The following AFAP1L2 variants were observed in gnomAD, a reference collection of about 807,000 sequenced individuals.
AFAP1L2 encodes actin filament associated protein 1 like 2.
AFAP1L2 carries 46 observed loss-of-function variants against 99.3 expected under a neutral mutation model. The ratio of observed to expected loss-of-function variants is 0.46; its 90% confidence interval spans 0.37 to 0.59. The LOEUF (loss-of-function observed/expected upper bound fraction) is 0.59, where lower values mean the gene tolerates loss of function less well. AFAP1L2 is among the 20% of genes least tolerant of loss of function. AFAP1L2 has a pLI of 0.00. For missense variants in AFAP1L2, 959 were observed against 1,034.9 expected (o/e 0.93, Z 1.01); for synonymous variants, 397 against 419.1 (o/e 0.95, Z 0.64).
chr10:114,403,036 C>T (rs537235663), intron 1 of AFAP1L2, among the ~76,000 whole-genome samples: 6 of 152,350 alleles, frequency 3.9e-5, no homozygotes, highest in East Asian at 1.9e-4. Flanking sequence ...GTGGCTTCCT[C>T]AAGTGTCTGA....
rs2043020975 is a variant in AFAP1L2, at chr10:114,310,250, T to G, written c.882+104A>C. 5 of 1,195,380 alleles carry G rather than the reference T, an allele frequency of 4.2e-6. No individual in the cohort carries two copies. In the South Asian group the frequency reaches 4.5e-5, roughly 11 times the overall value. 74.0% of individuals were successfully genotyped at this position (1,195,380 alleles called of 1,614,324 possible). A position where few individuals can be genotyped will look rare whatever the true frequency, so the allele number is the denominator to read the frequency against. ...GCCTCAAGCATTGTATGTTTCTTAT[T>G]AATTGGACTGAAATATAAAAACGAA... On this transcript the variant is annotated intron_variant, in intron 8 of 18. Transcript: ENST00000304129.
chr10:114,347,989 A>AC (rs1323512715), intron 1 of AFAP1L2, among the ~76,000 whole-genome samples: 1 of 152,184 alleles, frequency 6.6e-6, no homozygotes, highest in African/African-American at 2.4e-5. Context: ...CCCTAGGCTC[A>AC]GATGCTGGCA....
intron 1 of AFAP1L2, among the ~76,000 whole-genome samples, chr10:114,381,358 T>G (rs994308004): frequency 3.3e-5 from 5 of 152,078 alleles, no homozygotes; most frequent in South Asian, 4.2e-4. Flanking sequence ...AGTAGATTAG[T>G]AGTTGTTTTA....
At chr10:114,388,286 A>AAT (rs370199201) in intron 1 of AFAP1L2, among the ~76,000 whole-genome samples, 1 of 150,088 alleles carries the variant, frequency 6.7e-6, no homozygotes, top group African/African-American at 2.4e-5. Flanking sequence ...AGCCCTCATG[A>AAT]ACACACACAC....
intron 2 of AFAP1L2, among the ~76,000 whole-genome samples, chr10:114,337,177 G>A (rs12355841): frequency 1.1e-3 from 161 of 152,368 alleles, no homozygotes; most frequent in Non-Finnish European, 1.9e-3. Context: ...GGAGCAGGGG[G>A]AGATAAGGTT....
intron 15 of AFAP1L2, among the ~76,000 whole-genome samples, chr10:114,299,803 C>A (rs1481487427): frequency 2.0e-5 from 3 of 152,232 alleles, no homozygotes; most frequent in Non-Finnish European, 4.4e-5. Flanking sequence ...CATGGAAGGA[C>A]TTGACTTGCT....
intron 1 of AFAP1L2, among the ~76,000 whole-genome samples, chr10:114,381,602 T>A (rs971560121): frequency 6.6e-6 from 1 of 152,018 alleles, no homozygotes; most frequent in Non-Finnish European, 1.5e-5. Context: ...ACACAGGAGA[T>A]TTTTTAAAGT....
chr10:114,339,466 T>C (rs980791609), intron 2 of AFAP1L2, among the ~76,000 whole-genome samples: 6 of 152,112 alleles, frequency 3.9e-5, no homozygotes, highest in African/African-American at 1.4e-4. Flanking sequence ...AGAAAATACT[T>C]CATTTAAAAC....
chr10:114,302,751 T>C (rs507098), intron 11 of AFAP1L2, among the ~76,000 whole-genome samples: 33,917 of 152,146 alleles, frequency 0.22, 4,950 homozygotes, highest in African/African-American at 0.41. Flanking sequence ...TGTATATACA[T>C]TGTGTTTCTA....
At chr10:114,287,699 A>AT in the AFAP1L2 span, among the ~76,000 whole-genome samples, 1 of 152,200 alleles carries the variant, frequency 6.6e-6, no homozygotes, top group Non-Finnish European at 1.5e-5. Context: ...TTTTTAAAAA[A>AT]AATAATAGTT....
intron 5 of AFAP1L2, among the ~76,000 whole-genome samples, chr10:114,317,584 C>T (rs566022819): frequency 3.9e-5 from 6 of 152,248 alleles, no homozygotes; most frequent in East Asian, 3.9e-4. Context: ...AGGGGCCAGG[C>T]GTGGTGGCTC....
At chr10:114,340,787 C>G in intron 1 of AFAP1L2, 56 bp from the exon 2 acceptor site, 1 of 1,612,326 alleles carries the variant, frequency 6.2e-7, no homozygotes. Flanking sequence ...CAAAGCCCAG[C>G]TCAGATACAC....
chr10:114,284,293 C>A, the AFAP1L2 span, among the ~76,000 whole-genome samples: 1 of 152,188 alleles, frequency 6.6e-6, no homozygotes, highest in Non-Finnish European at 1.5e-5. Flanking sequence ...AGACTTTCTG[C>A]GGATTAATTC....
At chr10:114,328,707 C>T (rs943334722) in intron 4 of AFAP1L2, among the ~76,000 whole-genome samples, 5 of 152,234 alleles carry the variant, frequency 3.3e-5, no homozygotes, top group African/African-American at 1.2e-4. Context: ...TTCAGAGCCA[C>T]AGACATGACT....
At chr10:114,337,962 G>A (rs2048230592) in intron 2 of AFAP1L2, among the ~76,000 whole-genome samples, 1 of 152,170 alleles carries the variant, frequency 6.6e-6, no homozygotes, top group South Asian at 2.1e-4. Context: ...TTGATGTGCT[G>A]TTGACCAGCA....
chr10:114,282,987 CTAGTGAAGATTCA>C, the AFAP1L2 span, among the ~76,000 whole-genome samples: 12 of 152,206 alleles, frequency 7.9e-5, no homozygotes, highest in Middle Eastern at 3.2e-3. Context: ...ATATGAGGTC[CTAGTGAAGATTCA>C]GTAGATAATG....
chr10:114,323,347 A>G (rs1011801912), intron 4 of AFAP1L2, 86 bp from the exon 5 acceptor site: 1 of 1,236,220 alleles, frequency 8.1e-7, no homozygotes, highest in Non-Finnish European at 1.2e-6. Flanking sequence ...GGAAGTCTAG[A>G]AGACAAAAAT....
chr10:114,364,947 C>A (rs912827277), intron 1 of AFAP1L2, among the ~76,000 whole-genome samples: 9 of 152,256 alleles, frequency 5.9e-5, no homozygotes, highest in African/African-American at 1.9e-4. Flanking sequence ...TTCTTGGGGG[C>A]CTTCAAGTAC....
chr10:114,402,906 C>G (rs543922912), intron 1 of AFAP1L2, among the ~76,000 whole-genome samples: 1 of 152,282 alleles, frequency 6.6e-6, no homozygotes, highest in East Asian at 1.9e-4. Context: ...ACCCCAGAGG[C>G]CAACACTTCC....
Sources: allele counts gnomAD v4.1 joint callset (sites outside exome capture counted in the v4.1 genomes callset), GRCh38; gene constraint gnomAD v4.1.1; transcripts MANE v1.5; gene names NCBI Gene and HGNC (gene_info 2026-07-23, HGNC 2026-07-21).